The following CSGALNACT1 variants were observed in gnomAD, a reference collection of about 807,000 sequenced individuals.
The protein encoded by CSGALNACT1 is beta4GalNAcT-1.
A neutral mutation model predicts 51.0 loss-of-function variants in CSGALNACT1; 52 were observed. The ratio of observed to expected loss-of-function variants is 1.02; its 90% CI spans 0.82 to 1.29. The LOEUF (loss-of-function observed/expected upper bound fraction) is 1.29, where lower values mean the gene tolerates loss of function less well. Ranked by LOEUF, CSGALNACT1 falls within the 50% of genes most tolerant of loss-of-function variation. The pLI is 0.00. For missense variants in CSGALNACT1, 935 were observed against 679.2 expected, an observed-to-expected ratio of 1.38 and a Z score of -4.19; for synonymous variants, 341 against 254.4, an observed-to-expected ratio of 1.34 and a Z score of -3.24.
intron 4 of CSGALNACT1, among the ~76,000 whole-genome samples, chr8:19,487,198 G>C (rs1368930412): frequency 1.8e-4 from 28 of 152,126 alleles, no homozygotes; most frequent in Admixed American, 1.8e-3. Context: ...TTCTGCTCCA[G>C]AGACTCATAT....
At chr8:19,547,092 A>G (rs1301016513) in intron 3 of CSGALNACT1, among the ~76,000 whole-genome samples, 1 of 152,190 alleles carries the variant, frequency 6.6e-6, no homozygotes, top group Non-Finnish European at 1.5e-5. Flanking sequence ...TAACAAATAT[A>G]AAGTGATATC....
intron 1 of CSGALNACT1, among the ~76,000 whole-genome samples, chr8:19,754,521 T>C (rs1674285980): frequency 6.6e-6 from 1 of 152,228 alleles, no homozygotes; most frequent in African/African-American, 2.4e-5. Context: ...ATATATATTT[T>C]CAAAGTTTAA....
At chr8:19,630,549 A>G (rs1175864672) in intron 1 of CSGALNACT1, among the ~76,000 whole-genome samples, 2 of 151,230 alleles carry the variant, frequency 1.3e-5, no homozygotes, top group African/African-American at 2.5e-5. Flanking sequence ...GGGTTCTGCC[A>G]AATGTATAAT....
chr8:19,603,519 C>A (rs141774898), upstream of CSGALNACT1, among the ~76,000 whole-genome samples: 165 of 152,310 alleles, frequency 1.1e-3, no homozygotes, highest in African/African-American at 3.6e-3. Context: ...CAGTTGGCAG[C>A]AACGCAGCAA....
At chr8:19,522,347 A>C (rs2080899903) in intron 3 of CSGALNACT1, among the ~76,000 whole-genome samples, 1 of 152,164 alleles carries the variant, frequency 6.6e-6, no homozygotes, top group South Asian at 2.1e-4. Flanking sequence ...TCTTGCCTCT[A>C]AATTTGCACT....
chr8:19,414,255 T>C (rs1177547759), intron 8 of CSGALNACT1, among the ~76,000 whole-genome samples: 3 of 152,132 alleles, frequency 2.0e-5, no homozygotes, highest in Non-Finnish European at 4.4e-5. Flanking sequence ...GAATCTGTGA[T>C]TTAGAAACCT....
intron 6 of CSGALNACT1, among the ~76,000 whole-genome samples, chr8:19,423,146 A>G (rs775895332): frequency 1.3e-5 from 2 of 152,230 alleles, no homozygotes; most frequent in Non-Finnish European, 2.9e-5. Flanking sequence ...CCTGAACAAC[A>G]GCAAGTGACT....
intron 1 of CSGALNACT1, among the ~76,000 whole-genome samples, chr8:19,669,187 C>G (rs1295991093): frequency 6.6e-6 from 1 of 152,130 alleles, no homozygotes; most frequent in Admixed American, 6.5e-5. Flanking sequence ...CTCCATTTCC[C>G]CAATAGGAAT....
chr8:19,536,183 A>T (rs1007606735), intron 3 of CSGALNACT1, among the ~76,000 whole-genome samples: 1 of 152,200 alleles, frequency 6.6e-6, no homozygotes. Flanking sequence ...ACTTTGGGTG[A>T]TGATGATGTA....
At chr8:19,725,675 A>G (rs1390559922) in intron 1 of CSGALNACT1, among the ~76,000 whole-genome samples, 1 of 152,026 alleles carries the variant, frequency 6.6e-6, no homozygotes, top group African/African-American at 2.4e-5. Flanking sequence ...CACATGACTC[A>G]GCCTCCCAAA....
At chr8:19,647,600 A>C (rs1355751954) in intron 1 of CSGALNACT1, among the ~76,000 whole-genome samples, 1 of 152,176 alleles carries the variant, frequency 6.6e-6, no homozygotes, top group Non-Finnish European at 1.5e-5. Context: ...CTTACCACAG[A>C]TCGGAGTTTT....
chr8:19,728,108 C>T (rs1367733561), intron 1 of CSGALNACT1, among the ~76,000 whole-genome samples: 1 of 152,116 alleles, frequency 6.6e-6, no homozygotes, highest in African/African-American at 2.4e-5. Context: ...CCAGCACTTA[C>T]CAGCAGCATG....
At chr8:19,541,814 G>C (rs1048266180) in intron 3 of CSGALNACT1, among the ~76,000 whole-genome samples, 1 of 151,900 alleles carries the variant, frequency 6.6e-6, no homozygotes, top group African/African-American at 2.4e-5. Flanking sequence ...ATTCTTCAAT[G>C]TTTCTATTTT....
intron 1 of CSGALNACT1, among the ~76,000 whole-genome samples, chr8:19,626,167 G>T (rs532442790): frequency 1.3e-5 from 2 of 152,306 alleles, no homozygotes; most frequent in South Asian, 4.1e-4. Flanking sequence ...CCAGTTTTAA[G>T]ACTTACTGTG....
At position 19,599,352 on chromosome 8, in the gene CSGALNACT1, C is replaced by T. The variant is rs557862100; in HGVS notation, c.-416+2419G>A. ...TGGCCGTAAAAATTGTGAGCAGAGG[C>T]CAAGCATGGTGGCTCACACCTGTAA... is the stretch of plus-strand genomic sequence containing the variant. On this transcript the variant is annotated intron_variant, in intron 2 of 9. Coordinates refer to ENST00000454498, the Ensembl canonical transcript of CSGALNACT1. Among the ~76,000 whole-genome samples, 5 of 150,088 alleles carry T rather than the reference C, an allele frequency of 3.3e-5. No individual in the cohort carries two copies. The East Asian group carries it at 9.8e-4, about 29-fold the overall frequency.
At position 19,664,074 on chromosome 8, in the gene CSGALNACT1, G is replaced by A. The variant is rs957844661; in HGVS notation, c.-544+18399C>T. Among the ~76,000 whole-genome samples, 8 of 152,196 alleles carry A rather than the reference G, an allele frequency of 5.3e-5. No individual in the cohort carries two copies. In the East Asian group the frequency reaches 1.3e-3, roughly 26 times the overall value. The stretch of plus-strand genomic sequence containing the variant: ...GGAAACCCTCCACACCCTGCCAGGT[G>A]CCCACACAATGGCTCGGCCCAGGCT... On this transcript the variant is annotated intron_variant, in intron 1 of 9. Transcript: ENST00000332246.
At chr8:19,718,101 C>T (rs2062916228) in intron 1 of CSGALNACT1, among the ~76,000 whole-genome samples, 1 of 152,022 alleles carries the variant, frequency 6.6e-6, no homozygotes, top group African/African-American at 2.4e-5. Flanking sequence ...GCATAACAGG[C>T]CTTCTTTTTG....
At chr8:19,423,997 T>C (rs1193837867) in intron 6 of CSGALNACT1, among the ~76,000 whole-genome samples, 1 of 152,138 alleles carries the variant, frequency 6.6e-6, no homozygotes, top group African/African-American at 2.4e-5. Flanking sequence ...GCTTGCCTGT[T>C]CTCCCTGCCC....
intron 1 of CSGALNACT1, among the ~76,000 whole-genome samples, chr8:19,639,348 ATTG>A (rs1241385116): frequency 1.3e-5 from 2 of 152,152 alleles, no homozygotes; most frequent in African/African-American, 2.4e-5. Flanking sequence ...TATGCTAGCT[ATTG>A]TTGTTTTTGG....
Sources: allele counts gnomAD v4.1 joint callset (sites outside exome capture counted in the v4.1 genomes callset), GRCh38; gene constraint gnomAD v4.1.1; transcripts MANE v1.5; gene names NCBI Gene and HGNC (gene_info 2026-07-23, HGNC 2026-07-21).